Variants in CNTNAP3 observed in about 807,000 individuals in gnomAD.
CNTNAP3 encodes the protein contactin associated protein family member 3.
In CNTNAP3, 36 loss-of-function variants were observed where a neutral mutation model predicts 92.1. The ratio of observed to expected loss-of-function variants is 0.39; its 90% confidence interval spans 0.30 to 0.52. CNTNAP3 has a LOEUF of 0.52. CNTNAP3 is among the 20% of genes least tolerant of loss of function. The pLI is 0.76. For synonymous variants in CNTNAP3, 232 were observed against 422.3 expected (o/e 0.55, Z 5.53); for missense variants, 534 against 1,069.6 (o/e 0.50, Z 6.98).
rs1825483933 is a variant in CNTNAP3 at position 39,065,184 on chromosome 9, A to G, written c.*8706T>C. Among the ~76,000 whole-genome samples, 1 of 152,214 alleles carries G rather than the reference A, an allele frequency of 6.6e-6. No homozygotes were observed. Among genetic ancestry groups the G allele is most frequent in the Admixed American group, 6.5e-5 (1 of 15,282 alleles). On this transcript the variant is annotated 3_prime_UTR_variant, in exon 24 of 24. Transcript: ENST00000297668. ...CTCAACCCAGGTAACTACTGATACA[A>G]TTTCTACTGCTATATCTTAGTTTCG...
chr9:39,088,751 G>C, intron 18 of CNTNAP3, 104 bp from the exon 19 acceptor site: 6 of 940,250 alleles, frequency 6.4e-6, no homozygotes, highest in Non-Finnish European at 9.4e-6. Context: ...TATCCTGGGA[G>C]ATAAAGTAAT....
intron 10 of CNTNAP3, 93 bp downstream of exon 10, chr9:39,149,713 A>C: frequency 1.4e-6 from 1 of 705,848 alleles, no homozygotes. Context: ...ACAACAACAA[A>C]AAAGAGAACG....
At chr9:39,200,600 TG>T (rs1323079028) in intron 3 of CNTNAP3, among the ~76,000 whole-genome samples, 1 of 19,214 alleles carries the variant, frequency 5.2e-5, no homozygotes, top group African/African-American at 9.0e-5. Flanking sequence ...TTCCTTTGCC[TG>T]GGTGACTCAG....
At chr9:39,122,512 G>A (rs1318368231) in intron 13 of CNTNAP3, among the ~76,000 whole-genome samples, 5 of 152,206 alleles carry the variant, frequency 3.3e-5, no homozygotes, top group African/African-American at 1.2e-4. Context: ...TTAAGACAGA[G>A]TCTCTGGGAA....
intron 18 of CNTNAP3, among the ~76,000 whole-genome samples, chr9:39,097,265 C>A (rs1379327515): frequency 6.6e-6 from 1 of 152,078 alleles, no homozygotes; most frequent in African/African-American, 2.4e-5. Flanking sequence ...GAAATCAGTT[C>A]ACTTGGGGAG....
chr9:39,065,661 C>A lies in CNTNAP3; in HGVS notation c.*8229G>T, dbSNP rs1825494512. On this transcript the variant is annotated 3_prime_UTR_variant, in exon 24 of 24. Coordinates refer to ENST00000297668, the MANE Select transcript of CNTNAP3 (RefSeq NM_033655.5). ...TACTGACAATATTTTTAATCATAAC[C>A]ATTTTAGTGGGAAGAATAACTCACT... 6.6e-6 allele frequency among the ~76,000 whole-genome samples: 1 copy of A among 152,194 alleles called. No homozygotes were observed. The highest frequency in any genetic ancestry group is 2.4e-5 in the African/African-American group (1 of 41,434).
At chr9:39,118,368 A>T in intron 13 of CNTNAP3, 109 bp from the exon 14 acceptor site, 1 of 1,476,382 alleles carries the variant, frequency 6.8e-7, no homozygotes. Flanking sequence ...AGAGACAGAG[A>T]GAGAGAAAAT....
intron 21 of CNTNAP3, among the ~76,000 whole-genome samples, chr9:39,084,629 G>A (rs1241527805): frequency 6.6e-6 from 1 of 152,148 alleles, no homozygotes; most frequent in African/African-American, 2.4e-5. Context: ...TAGCCAACTT[G>A]TTGGTCTATT....
chr9:39,067,590 G>A lies in CNTNAP3; in HGVS notation c.*6300C>T, dbSNP rs1825537228. Among the ~76,000 whole-genome samples the A allele has an allele frequency of 6.6e-6, 1 of 152,422 alleles. No individual in the cohort carries two copies. The highest frequency in any genetic ancestry group is 2.1e-4 in the South Asian group (1 of 4,830). Reference sequence around the variant, plus strand: ...TTTTTGTATGTTTAGTAGAGACGGGGTTTCCACCTTGTTAGCAGGATGGTC... The same window carrying A: ...TTTTTGTATGTTTAGTAGAGACGGGATTTCCACCTTGTTAGCAGGATGGTC... On this transcript the variant is annotated 3_prime_UTR_variant, in exon 24 of 24. Coordinates refer to ENST00000297668, the MANE Select transcript of CNTNAP3 (RefSeq NM_033655.5).
chr9:39,105,248 A>C (rs1280352235), intron 15 of CNTNAP3, among the ~76,000 whole-genome samples: 6 of 152,152 alleles, frequency 3.9e-5, no homozygotes, highest in Non-Finnish European at 8.8e-5. Flanking sequence ...TAACATGGTG[A>C]AACCCCGTCT....
chr9:39,088,138 GTCA>G (rs1826105538), intron 19 of CNTNAP3, among the ~76,000 whole-genome samples: 1 of 151,904 alleles, frequency 6.6e-6, no homozygotes, highest in Admixed American at 6.6e-5. Context: ...ACCAATTTGA[GTCA>G]TCATGTACTA....
intron 18 of CNTNAP3, among the ~76,000 whole-genome samples, chr9:39,089,261 C>T (rs148608922): frequency 0.032 from 4,900 of 151,990 alleles, 75 homozygotes; most frequent in South Asian, 0.092. Context: ...TCTGTCTCTG[C>T]AGAGGTTCCT....
intron 13 of CNTNAP3, among the ~76,000 whole-genome samples, 184 bp from the exon 14 acceptor site, chr9:39,118,443 T>C (rs1820914401): frequency 1.3e-5 from 2 of 152,106 alleles, no homozygotes; most frequent in Admixed American, 6.6e-5. Flanking sequence ...CCAATGTTTT[T>C]CCCCCAATAT....
At position 39,118,117 on chromosome 9, in the gene CNTNAP3, A is replaced by T; in HGVS notation, c.2223T>A (p.Ala741=). 1 of 1,607,448 alleles carries T rather than the reference A, an allele frequency of 6.2e-7. No individual in the cohort carries two copies. The highest frequency in any genetic ancestry group is 8.5e-7 in the Non-Finnish European group (1 of 1,176,776). Residue 741 remains alanine (A), a synonymous_variant, in exon 14 of 24, where the codon GCT becomes GCA. Transcript: ENST00000297668. The part of the protein sequence containing the change: ...IDSQYYCNCD[A]GRNEWTSDTI... ...GTGGAAATCACCATTCATTCCGGCC[A>T]GCATCACAGTTGCAGTAATACTGAG...
chr9:39,112,294 G>C (rs148296423), intron 14 of CNTNAP3, among the ~76,000 whole-genome samples: 2,234 of 151,996 alleles, frequency 0.015, 53 homozygotes, highest in African/African-American at 0.05. Flanking sequence ...CTTTATTTAA[G>C]GCAAAGTAGG....
chr9:39,148,040 G>C (rs1185214889), intron 10 of CNTNAP3, among the ~76,000 whole-genome samples: 1 of 152,134 alleles, frequency 6.6e-6, no homozygotes, highest in Non-Finnish European at 1.5e-5. Context: ...AACTCAGAGA[G>C]AGCTGAGCTC....
intron 14 of CNTNAP3, 81 bp downstream of exon 14, chr9:39,118,022 G>T: frequency 1.3e-6 from 2 of 1,587,976 alleles, no homozygotes; most frequent in Non-Finnish European, 1.7e-6. Flanking sequence ...TATTGTACCA[G>T]CTTGTCTGAC....
chr9:39,139,501 G>A lies in CNTNAP3; in HGVS notation c.1876+1018C>T, dbSNP rs538017982. On this transcript the variant is annotated intron_variant, in intron 12 of 23. Transcript: ENST00000297668. ...CAATCTTTGCTAAGGCACTTTAAAT[G>A]CCCATGTAATTTCAGTTATTTGTTT... Among the ~76,000 whole-genome samples, 5 of 152,296 alleles carry A rather than the reference G, an allele frequency of 3.3e-5. 1 individual carries two copies. In the South Asian group the frequency reaches 8.3e-4, roughly 25 times the overall value.
chr9:39,130,159 GA>G (rs1282673642), intron 13 of CNTNAP3, among the ~76,000 whole-genome samples: 1 of 152,138 alleles, frequency 6.6e-6, no homozygotes, highest in African/African-American at 2.4e-5. Context: ...CCAGAGAAAT[GA>G]AAACTGATGT....
Sources: gnomAD v4.1 joint callset for allele counts (sites outside exome capture counted in the v4.1 genomes callset) on GRCh38, gnomAD v4.1.1 for gene constraint, MANE v1.5 for transcripts, NCBI Gene and HGNC (gene_info 2026-07-23, HGNC 2026-07-21) for gene names.